SEC22C: variants seen among roughly 807,000 people sequenced by gnomAD.
The protein encoded by SEC22C is SEC22 homolog C, vesicle trafficking protein, also known as vesicle-trafficking protein SEC22c.
Under a neutral mutation model 34.7 loss-of-function variants are expected in SEC22C, and 29 were observed. The ratio of observed to expected loss-of-function variants is 0.84; its 90% CI spans 0.62 to 1.14. The LOEUF (loss-of-function observed/expected upper bound fraction) is 1.14, where lower values mean the gene tolerates loss of function less well. Among genes scored for constraint, SEC22C ranks in the 50% most tolerant of loss-of-function variants. The probability of loss-of-function intolerance (pLI) is 0.00; values close to 1 mark genes in which losing one functional copy is unlikely to be tolerated. For missense variants in SEC22C, 337 were observed against 369.0 expected, an observed-to-expected ratio of 0.91 and a Z score of 0.71; for synonymous variants, 117 against 132.8, an observed-to-expected ratio of 0.88 and a Z score of 0.82.
chr3:42,571,055 G>A (rs1465261194), intron 1 of SEC22C, among the ~76,000 whole-genome samples: 1 of 152,180 alleles, frequency 6.6e-6, no homozygotes, highest in African/African-American at 2.4e-5. Context: ...CCCTCTAAAG[G>A]AAAGCAGTGT....
chr3:42,579,545 G>A (rs1329460412), intron 1 of SEC22C: 5 of 146,436 alleles, frequency 3.4e-5, no homozygotes, highest in Non-Finnish European at 6.0e-5. Flanking sequence ...AAGGCTGCGT[G>A]AGCTGCGACT....
intron 4 of SEC22C, among the ~76,000 whole-genome samples, chr3:42,560,527 A>AAG (rs1702837911): frequency 1.3e-5 from 2 of 151,338 alleles, no homozygotes; most frequent in African/African-American, 4.8e-5. Context: ...AAAAAAAAAA[A>AAG]AAGAAGAAGA....
chr3:42,577,455 A>C (rs1704039380), intron 1 of SEC22C, among the ~76,000 whole-genome samples: 1 of 152,230 alleles, frequency 6.6e-6, no homozygotes, highest in Non-Finnish European at 1.5e-5. Context: ...AAATGGGAAA[A>C]ACACACATAC....
At chr3:42,598,014 G>A (rs568728289) in intron 1 of SEC22C, among the ~76,000 whole-genome samples, 148 of 152,276 alleles carry the variant, frequency 9.7e-4, no homozygotes, top group Non-Finnish European at 1.8e-3. Context: ...AAAACAGTAT[G>A]GTAATTCCTG....
At chr3:42,600,557 CCCCCG>C (rs1705270098) in intron 1 of SEC22C, 3 of 152,790 alleles carry the variant, frequency 2.0e-5, no homozygotes, top group African/African-American at 7.2e-5. Context: ...CGTGCGTACG[CCCCCG>C]TGCGTACGCC....
At chr3:42,594,690 T>G (rs1439785225) in intron 1 of SEC22C, 1 of 490,094 alleles carries the variant, frequency 2.0e-6, no homozygotes, top group Non-Finnish European at 3.6e-6. Context: ...TTAGCTGTAT[T>G]CTCATGTAAA....
At chr3:42,565,139 C>T (rs1170008616) in intron 2 of SEC22C, among the ~76,000 whole-genome samples, 3 of 152,192 alleles carry the variant, frequency 2.0e-5, no homozygotes, top group Admixed American at 2.0e-4. Flanking sequence ...CCAGGAGCCT[C>T]ACTGTCCGCT....
At chr3:42,563,429 G>A in intron 3 of SEC22C, 94 bp downstream of exon 3, 1 of 1,059,862 alleles carries the variant, frequency 9.4e-7, no homozygotes, top group Non-Finnish European at 1.4e-6. Flanking sequence ...ATCTCCAGTG[G>A]TTTTCCTTGA....
chr3:42,548,542 C>A lies in SEC22C; in HGVS notation c.*4706G>T. ...CTCCCTGCTGATGAGATTTCCCCAG[C>A]AGCAGAAGTTTGACATCACTGCTCC... On this transcript the variant is annotated 3_prime_UTR_variant, in exon 7 of 7. Transcript: ENST00000264454. 1.3e-6 allele frequency: 2 copies of A among 1,552,674 alleles called. No homozygotes were observed. Among genetic ancestry groups the A allele is most frequent in the African/African-American group, 1.4e-5 (1 of 73,890 alleles).
intron 1 of SEC22C, chr3:42,579,474 C>T (rs1704175704): frequency 6.7e-6 from 1 of 149,464 alleles, no homozygotes; most frequent in Non-Finnish European, 1.5e-5. Flanking sequence ...TGGTGGCACA[C>T]ACCTGTGGTC....
intron 3 of SEC22C, among the ~76,000 whole-genome samples, chr3:42,562,973 G>A (rs372769758): frequency 1.5e-4 from 23 of 152,272 alleles, no homozygotes; most frequent in African/African-American, 5.5e-4. Flanking sequence ...ATTACTGTAA[G>A]AATTTCTAAA....
At chr3:42,582,140 A>C (rs1704423306), upstream of SEC22C, 1 of 152,168 alleles carries the variant, frequency 6.6e-6, no homozygotes, top group Admixed American at 6.5e-5. Flanking sequence ...ACGGAGAGGG[A>C]GTGTGACGGG....
intron 1 of SEC22C, chr3:42,594,607 C>T (rs1577377742): frequency 9.7e-7 from 1 of 1,034,866 alleles, no homozygotes; most frequent in South Asian, 1.4e-5. Flanking sequence ...TCTTTACCAA[C>T]TCAACTGGTT....
At chr3:42,583,600 T>G (rs548776570), upstream of SEC22C, among the ~76,000 whole-genome samples, 1 of 152,318 alleles carries the variant, frequency 6.6e-6, no homozygotes, top group East Asian at 1.9e-4. Flanking sequence ...TAAGGGATAC[T>G]CAGGTAGCTG....
chr3:42,550,779 T>C lies in SEC22C; in HGVS notation c.*2469A>G. ...GCTGAATATGGATCATAGGCTCAGATGCCCAAAGCACCTGGGGTACAGGTC... is the reference window on the plus strand; with the variant it reads ...GCTGAATATGGATCATAGGCTCAGACGCCCAAAGCACCTGGGGTACAGGTC... On this transcript the variant is annotated 3_prime_UTR_variant, in exon 7 of 7. Transcript: ENST00000264454. 1.0e-6 allele frequency: 1 copy of C among 985,210 alleles called. No individual in the cohort carries two copies. The highest frequency in any genetic ancestry group is 1.7e-5 in the African/African-American group (1 of 57,268). 61.0% of individuals were successfully genotyped at this position (985,210 alleles called of 1,614,324 possible).
At chr3:42,578,850 T>C (rs1704132426) in intron 1 of SEC22C, among the ~76,000 whole-genome samples, 2 of 152,350 alleles carry the variant, frequency 1.3e-5, no homozygotes, top group South Asian at 4.1e-4. Flanking sequence ...TTTTGATGTT[T>C]TATGCATGAA....
chr3:42,590,410 C>G (rs190404530), intron 1 of SEC22C, among the ~76,000 whole-genome samples: 1 of 151,992 alleles, frequency 6.6e-6, no homozygotes, highest in Non-Finnish European at 1.5e-5. Flanking sequence ...GCGGGCGGAT[C>G]ACGAGGTCAG....
intron 1 of SEC22C, chr3:42,594,871 T>A: frequency 6.0e-6 from 1 of 166,082 alleles, no homozygotes; most frequent in East Asian, 1.7e-4. Context: ...TTGGTGAGAT[T>A]CCTGACTTGA....
At position 42,551,225 on chromosome 3, in the gene SEC22C, T is replaced by C. The variant is rs1268941711; in HGVS notation, c.*2023A>G. ...ATTCTATTTCACCATCTCTTCAAAA[T>C]TGTCTCCCAGAAAAACTGAAAATTC... On this transcript the variant is annotated 3_prime_UTR_variant, in exon 7 of 7. Transcript: ENST00000264454. 1.4e-5 allele frequency: 14 copies of C among 985,292 alleles called. No individual in the cohort carries two copies. Among genetic ancestry groups the C allele is most frequent in the African/African-American group, 7.0e-5 (4 of 57,228 alleles). 61.0% of individuals were successfully genotyped at this position (985,292 alleles called of 1,614,324 possible). A position where few individuals can be genotyped will look rare whatever the true frequency, so the allele number is the denominator to read the frequency against.
Sources: gnomAD v4.1 joint callset for allele counts (sites outside exome capture counted in the v4.1 genomes callset) on GRCh38, gnomAD v4.1.1 for gene constraint, MANE v1.5 for transcripts, NCBI Gene and HGNC (gene_info 2026-07-23, HGNC 2026-07-21) for gene names.